USO1: variants seen among roughly 807,000 people sequenced by gnomAD.
USO1 encodes USO1 vesicle transport factor, also known as general vesicular transport factor p115.
In USO1, 57 loss-of-function variants were observed where a neutral mutation model predicts 124.5. The ratio of observed to expected loss-of-function variants is 0.46; its 90% confidence interval spans 0.37 to 0.57. The LOEUF (loss-of-function observed/expected upper bound fraction) is 0.57. USO1 is among the 20% of genes least tolerant of loss of function. The pLI is 0.00. For synonymous variants in USO1, 369 were observed against 362.8 expected (o/e 1.02, Z -0.19); for missense variants, 900 against 1,040.6 (o/e 0.86, Z 1.86).
intron 7 of USO1, among the ~76,000 whole-genome samples, chr4:75,772,025 C>A (rs566525616): frequency 6.6e-6 from 1 of 151,978 alleles, no homozygotes; most frequent in Non-Finnish European, 1.5e-5. Context: ...TGGTATTGGC[C>A]GTGTGACTTT....
chr4:75,737,795 A>G (rs1054679188), intron 1 of USO1, among the ~76,000 whole-genome samples: 1 of 151,986 alleles, frequency 6.6e-6, no homozygotes, highest in Admixed American at 6.5e-5. Flanking sequence ...AGATTTTTCA[A>G]ATAATATAGT....
chr4:75,787,786 A>G (rs897983283), intron 10 of USO1, among the ~76,000 whole-genome samples: 2 of 152,248 alleles, frequency 1.3e-5, no homozygotes, highest in East Asian at 1.9e-4. Context: ...TAATTATTTT[A>G]TGGAATTTAT....
chr4:75,725,031 C>T (rs761952541), intron 1 of USO1, 146 bp downstream of exon 1: 6 of 821,046 alleles, frequency 7.3e-6, no homozygotes, highest in Admixed American at 2.8e-5. Flanking sequence ...CCTTCCGCTC[C>T]TGAAATCCCA....
At chr4:75,751,187 T>A (rs1307167331) in intron 1 of USO1, among the ~76,000 whole-genome samples, 1 of 123,116 alleles carries the variant, frequency 8.1e-6, no homozygotes, top group Admixed American at 8.4e-5. Flanking sequence ...TTCTATAAAT[T>A]ATTTTATTTT....
intron 13 of USO1, among the ~76,000 whole-genome samples, chr4:75,796,359 G>A (rs1167047398): frequency 2.8e-4 from 7 of 25,440 alleles, no homozygotes; most frequent in Admixed American, 2.2e-3. Flanking sequence ...TTTTTGAGAC[G>A]GAGTCTCACT....
intron 4 of USO1, chr4:75,767,419 G>A (rs1424042977): frequency 2.3e-6 from 1 of 440,114 alleles, no homozygotes; most frequent in East Asian, 7.4e-5. Flanking sequence ...TTTGATACAT[G>A]TATAAACATG....
intron 8 of USO1, among the ~76,000 whole-genome samples, chr4:75,777,641 T>C (rs1577955281): frequency 6.6e-6 from 1 of 152,120 alleles, no homozygotes; most frequent in East Asian, 1.9e-4. Flanking sequence ...CAATGAGATA[T>C]CACTACATAC....
chr4:75,742,415 G>C (rs909100733), intron 1 of USO1, among the ~76,000 whole-genome samples: 1 of 152,172 alleles, frequency 6.6e-6, no homozygotes, highest in Non-Finnish European at 1.5e-5. Flanking sequence ...ATGTCGTTAC[G>C]TAGGCCATGC....
Position 75,724,578 on chromosome 4 carries a change from C to T in USO1, c.-242C>T, listed in dbSNP as rs1341464232. On this transcript the variant is annotated 5_prime_UTR_variant, in exon 1 of 24. Transcript: ENST00000514213. ...AAGAGGTTCCTCTCGCCTCCGCTCC[C>T]CTTTTGCCTTCAACCTTCGAGCCGC... 5.6e-6 allele frequency: 3 copies of T among 538,938 alleles called. No individual in the cohort carries two copies. The highest frequency in any genetic ancestry group is 2.1e-5 in the South Asian group (1 of 47,510). 33.4% of individuals were successfully genotyped at this position (538,938 alleles called of 1,614,324 possible).
chr4:75,759,246 C>CTT lies in USO1; in HGVS notation c.295+1690_295+1691dup, dbSNP rs71208100. Reference sequence around the variant, plus strand: ...TAATAGAATCACTTTTATTAAGGACCTTTTTTTTTTTTTTTTTTCTGAAAA... The same window carrying CTT: ...TAATAGAATCACTTTTATTAAGGACCTTTTTTTTTTTTTTTTTTTTCTGAAAA... On this transcript the variant is annotated intron_variant, in intron 4 of 23. Transcript: ENST00000514213. Among the ~76,000 whole-genome samples the CTT allele has an allele frequency of 2.6e-4, 18 of 69,124 alleles. 2 individuals are homozygous for CTT. The highest frequency in any genetic ancestry group is 8.9e-4 in the Admixed American group (4 of 4,500). The allele number at this position is 69,124 out of a possible 152,430, so 45.3% of individuals were successfully genotyped here. A position where few individuals can be genotyped will look rare whatever the true frequency, so the allele number is the denominator to read the frequency against.
In USO1 at chr4:75,793,835, A is replaced by G. The variant is rs774768436; in HGVS notation, c.1386A>G (p.Gln462=). 11 of 1,613,874 alleles carry G rather than the reference A, an allele frequency of 6.8e-6. No individual in the cohort carries two copies. In the East Asian group the frequency reaches 1.3e-4, roughly 20 times the overall value. ...AGAAAGAACAGTTGCTCAGGGTTCA[A>G]CTTGCTACAAGTATTGGCAACCCTC... The part of the protein sequence containing the change: ...ATQKEQLLRV[Q]LATSIGNPPV... Residue 462 remains glutamine, a synonymous_variant, in exon 13 of 24, where the codon CAA becomes CAG. Coordinates refer to ENST00000514213, the MANE Select transcript of USO1 (RefSeq NM_003715.4).
chr4:75,786,879 G>T (rs972144889), intron 9 of USO1, among the ~76,000 whole-genome samples, 183 bp from the exon 10 acceptor site: 12 of 152,174 alleles, frequency 7.9e-5, no homozygotes, highest in African/African-American at 2.9e-4. Context: ...AGTTTAAGAG[G>T]CATAATGTAA....
intron 7 of USO1, among the ~76,000 whole-genome samples, chr4:75,772,529 G>C (rs543007498): frequency 6.6e-6 from 1 of 151,922 alleles, no homozygotes; most frequent in African/African-American, 2.4e-5. Flanking sequence ...GAGCCACCGC[G>C]CCCGGCCGAG....
At chr4:75,734,156 G>C (rs1225075389) in intron 1 of USO1, among the ~76,000 whole-genome samples, 1 of 152,038 alleles carries the variant, frequency 6.6e-6, no homozygotes, top group Non-Finnish European at 1.5e-5. Context: ...ATGTTGGCCA[G>C]GATGGTCTCG....
At chr4:75,770,308 CTACCAG>C (rs1413152020) in intron 4 of USO1, 125 bp from the exon 5 acceptor site, 1 of 714,384 alleles carries the variant, frequency 1.4e-6, no homozygotes, top group Non-Finnish European at 2.1e-6. Context: ...TGTGATATTG[CTACCAG>C]CCACACTGTT....
chr4:75,724,756 G>C lies in USO1; in HGVS notation c.-64G>C. ...GGATTGGGGCCCAGGCCCTGCGGAG[G>C]GCGGGGGAAGTTGTCTTCTTTTTTT... On this transcript the variant is annotated 5_prime_UTR_variant, in exon 1 of 24. Coordinates refer to ENST00000514213, the MANE Select transcript of USO1 (RefSeq NM_003715.4). The C allele has an allele frequency of 1.9e-6, 3 of 1,567,004 alleles. No homozygotes were observed. Among genetic ancestry groups the C allele is most frequent in the Non-Finnish European group, 2.6e-6 (3 of 1,142,452 alleles).
chr4:75,786,430 C>T (rs1392595060), intron 9 of USO1, among the ~76,000 whole-genome samples: 1 of 148,532 alleles, frequency 6.7e-6, no homozygotes, highest in Non-Finnish European at 1.5e-5. Flanking sequence ...ATGTGACACA[C>T]ATGTAAAATG....
rs777717695 is a variant in USO1 at position 75,804,132 on chromosome 4, A to G, written c.1987-2A>G. 11 of 1,611,952 alleles carry G rather than the reference A, an allele frequency of 6.8e-6. No homozygotes were observed. Among genetic ancestry groups the G allele is most frequent in the Non-Finnish European group, 5.1e-6 (6 of 1,179,186 alleles). ...ACACATGAATTATGTTTTGTTTCAC[A>G]GGATCTCCAACTTGAGGAATTAAGG... On this transcript the variant is annotated splice_acceptor_variant, in intron 17 of 23. Transcript: ENST00000514213. LOFTEE classifies it high-confidence loss of function.
intron 9 of USO1, among the ~76,000 whole-genome samples, chr4:75,783,416 GTAA>G (rs1210937388): frequency 2.0e-5 from 3 of 152,138 alleles, no homozygotes; most frequent in Non-Finnish European, 4.4e-5. Context: ...AAGCTTAGTG[GTAA>G]TAATAAAAGT....
Sources: gnomAD v4.1 joint callset for allele counts (sites outside exome capture counted in the v4.1 genomes callset) on GRCh38, gnomAD v4.1.1 for gene constraint, MANE v1.5 for transcripts, NCBI Gene and HGNC (gene_info 2026-07-23, HGNC 2026-07-21) for gene names.